PKHD1: variants seen among roughly 807,000 people sequenced by gnomAD.
PKHD1 encodes PKHD1 ciliary IPT domain containing fibrocystin/polyductin.
In PKHD1, 291 loss-of-function variants were observed where a neutral mutation model predicts 412.0. The observed-to-expected ratio is 0.71, with a 90% confidence interval of 0.64 to 0.78. The LOEUF (loss-of-function observed/expected upper bound fraction) is 0.78, where lower values mean the gene tolerates loss of function less well. Among genes scored for constraint, PKHD1 ranks in the 30% least tolerant of loss-of-function variants. The pLI is 0.00. For synonymous variants in PKHD1, 1,777 were observed against 1,821.5 expected, an observed-to-expected ratio of 0.98 and a Z score of 0.62; for missense variants, 4,825 against 4,950.7, an observed-to-expected ratio of 0.97 and a Z score of 0.76.
At chr6:51,643,085 G>T (rs1769587529) in intron 63 of PKHD1, among the ~76,000 whole-genome samples, 1 of 152,130 alleles carries the variant, frequency 6.6e-6, no homozygotes, top group Admixed American at 6.6e-5. Flanking sequence ...TTTCTATGCT[G>T]CTGTATTAAG....
intron 35 of PKHD1, among the ~76,000 whole-genome samples, chr6:51,996,512 G>T (rs578079954): frequency 6.6e-6 from 1 of 152,156 alleles, no homozygotes; most frequent in East Asian, 1.9e-4. Flanking sequence ...ACAGGAAGAC[G>T]CACATCACAA....
At chr6:51,643,343 T>G (rs1156634776) in intron 63 of PKHD1, among the ~76,000 whole-genome samples, 2 of 152,010 alleles carry the variant, frequency 1.3e-5, no homozygotes, top group Non-Finnish European at 2.9e-5. Context: ...CCTCATTCCT[T>G]GGGATTTTAA....
rs1179415463 is a variant in PKHD1, at chr6:52,083,230, T to A, written c.78A>T (p.Glu26Asp). 1 of 1,611,322 alleles carries A rather than the reference T, an allele frequency of 6.2e-7. No homozygotes were observed. The highest frequency in any genetic ancestry group is 1.1e-5 in the South Asian group (1 of 91,028). ...LAVRHLSLHI[E>D]PEEGSLAGGT... ...CCCCTGCAAGGCTACCTTCTTCAGGTTCAATATGTAAACTCAGGTGACGTA... is the reference window on the plus strand; with the variant it reads ...CCCCTGCAAGGCTACCTTCTTCAGGATCAATATGTAAACTCAGGTGACGTA... Residue 26 changes from glutamate to aspartate, a missense_variant, in exon 3 of 67, where the codon GAA (glutamate) becomes GAT (aspartate). Coordinates refer to ENST00000371117, the MANE Select transcript of PKHD1 (RefSeq NM_138694.4).
At chr6:51,996,134 T>C (rs564943370) in intron 35 of PKHD1, among the ~76,000 whole-genome samples, 1 of 149,830 alleles carries the variant, frequency 6.7e-6, no homozygotes, top group Non-Finnish European at 1.5e-5. Flanking sequence ...GCCTCCCAAG[T>C]AGCTGGGACT....
At chr6:51,645,625 C>T (rs1769994529) in intron 63 of PKHD1, among the ~76,000 whole-genome samples, 2 of 152,142 alleles carry the variant, frequency 1.3e-5, no homozygotes, top group Admixed American at 1.3e-4. Flanking sequence ...AATGCCTGAC[C>T]TCAAGTGATC....
rs148300854 is a variant in PKHD1 at position 51,659,382 on chromosome 6, C to A, written c.10744G>T (p.Glu3582Ter). The A allele has an allele frequency of 1.2e-6, 2 of 1,613,686 alleles. No homozygotes were observed. The highest frequency in any genetic ancestry group is 1.1e-5 in the South Asian group (1 of 91,076). ...ATCTGTAAGAAGTTAGTTAGTCTTTCGAGTATTACTATTTCCCAGCCTTTT... is the reference window on the plus strand; with the variant it reads ...ATCTGTAAGAAGTTAGTTAGTCTTTAGAGTATTACTATTTCCCAGCCTTTT... ...LEKGWEIVIL[E>*]RLTNFLQIGQ... Residue 3582 changes from glutamate to a stop codon, truncating the protein, a stop_gained, in exon 61 of 67, where the codon GAA becomes TAA. Coordinates refer to ENST00000371117, the MANE Select transcript of PKHD1 (RefSeq NM_138694.4). LOFTEE classifies it high-confidence loss of function.
intron 60 of PKHD1, among the ~76,000 whole-genome samples, chr6:51,697,417 T>C (rs1224169906): frequency 6.6e-6 from 1 of 152,230 alleles, no homozygotes; most frequent in Non-Finnish European, 1.5e-5. Flanking sequence ...CCTACCATGT[T>C]CAAAGTATTA....
intron 60 of PKHD1, chr6:51,741,036 C>T (rs996796798): frequency 2.7e-5 from 14 of 510,614 alleles, no homozygotes; most frequent in Admixed American, 7.8e-5. Flanking sequence ...GATAGTAAAT[C>T]GTGTGTAATA....
chr6:51,680,652 C>A (rs1041473947), intron 60 of PKHD1, among the ~76,000 whole-genome samples: 1 of 152,016 alleles, frequency 6.6e-6, no homozygotes, highest in Non-Finnish European at 1.5e-5. Flanking sequence ...CAGTAATCAA[C>A]ATGAACAATA....
At chr6:51,766,444 T>C (rs998282239) in intron 55 of PKHD1, among the ~76,000 whole-genome samples, 3 of 152,140 alleles carry the variant, frequency 2.0e-5, no homozygotes, top group Non-Finnish European at 4.4e-5. Flanking sequence ...TGGAATTCAC[T>C]ATTTTCCATC....
At chr6:51,980,583 G>A (rs998886306) in intron 35 of PKHD1, among the ~76,000 whole-genome samples, 3 of 152,208 alleles carry the variant, frequency 2.0e-5, no homozygotes, top group Non-Finnish European at 4.4e-5. Flanking sequence ...GCTCACTGTT[G>A]AAAAAAACCA....
intron 51 of PKHD1, among the ~76,000 whole-genome samples, chr6:51,833,310 A>T (rs980091109): frequency 6.6e-6 from 1 of 152,182 alleles, no homozygotes; most frequent in Non-Finnish European, 1.5e-5. Flanking sequence ...TAGTTGGACA[A>T]ATTAGGCCTT....
At chr6:51,912,707 T>G in intron 37 of PKHD1, 131 bp from the exon 38 acceptor site, 1 of 727,340 alleles carries the variant, frequency 1.4e-6, no homozygotes, top group Non-Finnish European at 2.5e-6. Context: ...AAAGCAAGCT[T>G]CAGGATAGGT....
At chr6:51,745,824 A>G (rs1173171049) in intron 59 of PKHD1, among the ~76,000 whole-genome samples, 1 of 152,232 alleles carries the variant, frequency 6.6e-6, no homozygotes, top group African/African-American at 2.4e-5. Context: ...GGGATAAGAC[A>G]TGAACATAAG....
At chr6:51,681,552 T>C (rs184660566) in intron 60 of PKHD1, among the ~76,000 whole-genome samples, 1 of 152,208 alleles carries the variant, frequency 6.6e-6, no homozygotes, top group African/African-American at 2.4e-5. Context: ...TATTTCTTCA[T>C]TGTTTTCCTT....
intron 35 of PKHD1, among the ~76,000 whole-genome samples, chr6:51,970,446 T>C (rs1036632034): frequency 6.6e-6 from 1 of 152,238 alleles, no homozygotes; most frequent in Admixed American, 6.5e-5. Context: ...CAGAAGGTTT[T>C]TAGTTTTACT....
rs1375646742 is a variant in PKHD1, at chr6:51,909,453, TACAA to T, written c.6508_6511del (p.Leu2170IlefsTer3). ...TCCTAGCATCTTCTCACTCATGGAA[TACAA>T]ACAGTGCTGCAGATTACCTGAAATG... On this transcript the variant is annotated frameshift_variant, in exon 40 of 67. Transcript: ENST00000371117. LOFTEE classifies it high-confidence loss of function. The T allele has an allele frequency of 6.2e-7, 1 of 1,613,106 alleles. No individual in the cohort carries two copies. Among genetic ancestry groups the T allele is most frequent in the African/African-American group, 1.3e-5 (1 of 74,856 alleles).
At chr6:51,956,811 C>G (rs1219862756) in intron 36 of PKHD1, among the ~76,000 whole-genome samples, 1 of 151,958 alleles carries the variant, frequency 6.6e-6, no homozygotes, top group Non-Finnish European at 1.5e-5. Context: ...ATAGACATTA[C>G]AGGCAAAGGT....
At chr6:51,789,562 C>A (rs966773197) in intron 53 of PKHD1, among the ~76,000 whole-genome samples, 6 of 145,654 alleles carry the variant, frequency 4.1e-5, no homozygotes, top group African/African-American at 1.5e-4. Flanking sequence ...TACATGTGTG[C>A]ATGTGTATGT....
Sources: allele counts gnomAD v4.1 joint callset (sites outside exome capture counted in the v4.1 genomes callset), GRCh38; gene constraint gnomAD v4.1.1; transcripts MANE v1.5; gene names NCBI Gene and HGNC (gene_info 2026-07-23, HGNC 2026-07-21).